Variants in SLC30A8 observed in about 807,000 individuals in gnomAD.
The protein encoded by SLC30A8 is proton-coupled zinc antiporter SLC30A8.
SLC30A8 carries 27 observed loss-of-function variants against 36.9 expected under a neutral mutation model. That is an observed-to-expected ratio of 0.73 (90% CI 0.54 to 1.01). The LOEUF (loss-of-function observed/expected upper bound fraction) is 1.01. SLC30A8 is among the 50% of genes least tolerant of loss of function. SLC30A8 has a pLI of 0.00. For synonymous variants in SLC30A8, 164 were observed against 172.4 expected (o/e 0.95, Z 0.38); for missense variants, 439 against 452.0 (o/e 0.97, Z 0.26).
intron 1 of SLC30A8, among the ~76,000 whole-genome samples, chr8:116,997,434 T>C (rs756769014): frequency 7.9e-5 from 12 of 152,220 alleles, no homozygotes; most frequent in Non-Finnish European, 1.5e-4. Context: ...TATTCACAGC[T>C]GCTAGATTAT....
At chr8:117,160,031 G>T (rs1321004399) in intron 4 of SLC30A8, among the ~76,000 whole-genome samples, 1 of 152,224 alleles carries the variant, frequency 6.6e-6, no homozygotes, top group Non-Finnish European at 1.5e-5. Context: ...GGATAAGAAT[G>T]CTGAGTGACT....
At chr8:117,168,456 C>G (rs746896211) in intron 6 of SLC30A8, among the ~76,000 whole-genome samples, 12 of 152,102 alleles carry the variant, frequency 7.9e-5, no homozygotes, top group Admixed American at 2.6e-4. Context: ...TTATTAAACA[C>G]TAATTTAGAT....
At chr8:116,992,805 T>G (rs1346688015) in intron 1 of SLC30A8, among the ~76,000 whole-genome samples, 1 of 152,162 alleles carries the variant, frequency 6.6e-6, no homozygotes, top group Non-Finnish European at 1.5e-5. Flanking sequence ...GCATATAAAA[T>G]AATTATTTGC....
At chr8:117,024,186 G>A (rs986480907) in intron 1 of SLC30A8, among the ~76,000 whole-genome samples, 1 of 152,138 alleles carries the variant, frequency 6.6e-6, no homozygotes, top group African/African-American at 2.4e-5. Flanking sequence ...TGACTTTTAT[G>A]TAATGTTATT....
At chr8:117,008,695 ATATC>A (rs1726061269) in intron 1 of SLC30A8, among the ~76,000 whole-genome samples, 1 of 152,172 alleles carries the variant, frequency 6.6e-6, no homozygotes. Context: ...CATGAGAACT[ATATC>A]TATCTGTTGG....
At chr8:117,141,933 C>T (rs1223220298) in intron 1 of SLC30A8, among the ~76,000 whole-genome samples, 1 of 152,080 alleles carries the variant, frequency 6.6e-6, no homozygotes, top group East Asian at 1.9e-4. Flanking sequence ...GAGAGTGATG[C>T]TATCATTATT....
intron 2 of SLC30A8, among the ~76,000 whole-genome samples, chr8:117,071,853 TTC>T (rs1041159942): frequency 3.9e-5 from 6 of 152,178 alleles, no homozygotes; most frequent in East Asian, 1.9e-4. Flanking sequence ...ATGCTAGTTT[TTC>T]TCTGTTTGTT....
At chr8:117,015,109 G>C (rs1312189301) in intron 1 of SLC30A8, among the ~76,000 whole-genome samples, 1 of 151,910 alleles carries the variant, frequency 6.6e-6, no homozygotes, top group African/African-American at 2.4e-5. Context: ...CAAGATGTTG[G>C]TGAGGGGAGC....
intron 1 of SLC30A8, among the ~76,000 whole-genome samples, chr8:116,962,749 T>C (rs1001008530): frequency 6.6e-6 from 1 of 152,028 alleles, no homozygotes; most frequent in African/African-American, 2.4e-5. Context: ...GACACTGCCC[T>C]GCAAAGCCCT....
At chr8:117,044,775 G>C (rs1315538987) in intron 2 of SLC30A8, among the ~76,000 whole-genome samples, 1 of 152,190 alleles carries the variant, frequency 6.6e-6, no homozygotes, top group African/African-American at 2.4e-5. Flanking sequence ...GGAGACAAAA[G>C]CTGTAACACA....
chr8:117,139,852 C>T (rs1229557572), intron 1 of SLC30A8, among the ~76,000 whole-genome samples: 1 of 122,906 alleles, frequency 8.1e-6, no homozygotes, highest in South Asian at 2.6e-4. Context: ...AGTCAGACAA[C>T]ATCTGGTAAA....
At chr8:116,983,851 C>T (rs1815354822) in intron 1 of SLC30A8, among the ~76,000 whole-genome samples, 1 of 152,038 alleles carries the variant, frequency 6.6e-6, no homozygotes, top group Non-Finnish European at 1.5e-5. Context: ...ATTTTACATG[C>T]GCTCATTTGT....
At chr8:116,988,996 C>T (rs1815542482) in intron 1 of SLC30A8, among the ~76,000 whole-genome samples, 1 of 151,984 alleles carries the variant, frequency 6.6e-6, no homozygotes, top group Non-Finnish European at 1.5e-5. Flanking sequence ...CTCTGTGGTC[C>T]CTAACACAAG....
At position 117,097,528 on chromosome 8, in the gene SLC30A8, T is replaced by A. The variant is rs191147808; in HGVS notation, c.-225-37752T>A. Among the ~76,000 whole-genome samples the A allele has an allele frequency of 1.9e-5, 2 of 106,052 alleles. 1 individual carries two copies. Among genetic ancestry groups the A allele is most frequent in the African/African-American group, 8.2e-5 (2 of 24,490 alleles). 69.6% of individuals were successfully genotyped at this position (106,052 alleles called of 152,430 possible). A position where few individuals can be genotyped will look rare whatever the true frequency, so the allele number is the denominator to read the frequency against. On this transcript the variant is annotated intron_variant, in intron 2 of 10. Coordinates refer to the SLC30A8 transcript ENST00000427715. Reference sequence around the variant, plus strand: ...ATATATAATTTTAAATAATATATATTATATATAATATATAATTTTAAATAA... The same window carrying A: ...ATATATAATTTTAAATAATATATATAATATATAATATATAATTTTAAATAA...
At position 117,161,735 on chromosome 8, in the gene SLC30A8, C is replaced by T; in HGVS notation, c.573-3C>T. On this transcript the variant is annotated splice_polypyrimidine_tract_variant and splice_region_variant and intron_variant, in intron 4 of 7. Transcript: ENST00000456015. The stretch of plus-strand genomic sequence containing the variant: ...GTGCTAAGAACATTGTTCTCTCTTT[C>T]AGACTAACTGTGGTTTTGCACCAGA... 6.2e-7 allele frequency: 1 copy of T among 1,612,328 alleles called. No individual in the cohort carries two copies.
intron 6 of SLC30A8, among the ~76,000 whole-genome samples, chr8:117,167,623 A>G (rs191187769): frequency 1.3e-5 from 2 of 152,172 alleles, no homozygotes; most frequent in Non-Finnish European, 2.9e-5. Context: ...CTTTTATATT[A>G]GCACATACAT....
intron 2 of SLC30A8, among the ~76,000 whole-genome samples, chr8:117,069,478 A>G (rs1328823316): frequency 6.6e-6 from 1 of 152,332 alleles, no homozygotes; most frequent in South Asian, 2.1e-4. Context: ...GGGAAAGAAT[A>G]TATCTATGGA....
intron 1 of SLC30A8, among the ~76,000 whole-genome samples, chr8:116,972,546 CAAG>C (rs1814827791): frequency 6.6e-6 from 1 of 152,158 alleles, no homozygotes; most frequent in Admixed American, 6.5e-5. Flanking sequence ...CCTAAGCTCA[CAAG>C]GAGGAGAAGC....
rs1295880785 is a variant in SLC30A8, at chr8:117,097,669, TTTTAAATA to T, written c.-225-37610_-225-37603del. Among the ~76,000 whole-genome samples, 81 of 36,276 alleles carry T rather than the reference TTTTAAATA, an allele frequency of 2.2e-3. 14 individuals carry two copies. Among genetic ancestry groups the T allele is most frequent in the African/African-American group, 5.8e-3 (13 of 2,260 alleles). 23.8% of individuals were successfully genotyped at this position (36,276 alleles called of 152,430 possible). On this transcript the variant is annotated intron_variant, in intron 2 of 10. Coordinates refer to the SLC30A8 transcript ENST00000427715. ...TTTAAATAATATATATAATATATAA[TTTTAAATA>T]ATATATATTATATATAATATATATA... is the stretch of plus-strand genomic sequence containing the variant.
Sources: gnomAD v4.1 joint callset for allele counts (sites outside exome capture counted in the v4.1 genomes callset) on GRCh38, gnomAD v4.1.1 for gene constraint, MANE v1.5 for transcripts, NCBI Gene and HGNC (gene_info 2026-07-23, HGNC 2026-07-21) for gene names.